Variants in VIRMA observed in about 807,000 individuals in gnomAD.
The protein encoded by VIRMA is protein virilizer homolog.
In VIRMA, 65 loss-of-function variants were observed where a neutral mutation model predicts 182.4. The observed-to-expected ratio is 0.36, with a 90% confidence interval of 0.29 to 0.44. The LOEUF (loss-of-function observed/expected upper bound fraction) is 0.44, where lower values mean the gene tolerates loss of function less well. Among genes scored for constraint, VIRMA ranks in the 20% least tolerant of loss-of-function variants. VIRMA has a pLI of 1.00. For synonymous variants in VIRMA, 709 were observed against 743.1 expected, an observed-to-expected ratio of 0.95 and a Z score of 0.75; for missense variants, 1,752 against 2,158.1, an observed-to-expected ratio of 0.81 and a Z score of 3.73.
chr8:94,517,140 G>T (rs780132438), intron 10 of VIRMA, among the ~76,000 whole-genome samples: 2 of 152,164 alleles, frequency 1.3e-5, no homozygotes, highest in Non-Finnish European at 2.9e-5. Context: ...GTTGTAGTTT[G>T]TGTTTTATGT....
At chr8:94,536,635 T>C (rs1431650711) in intron 4 of VIRMA, among the ~76,000 whole-genome samples, 1 of 152,200 alleles carries the variant, frequency 6.6e-6, no homozygotes, top group Admixed American at 6.5e-5. Context: ...CATTACAATG[T>C]CTTTACTGCA....
intron 8 of VIRMA, among the ~76,000 whole-genome samples, chr8:94,525,604 T>C (rs1186897466): frequency 1.3e-5 from 2 of 152,278 alleles, no homozygotes; most frequent in East Asian, 3.9e-4. Flanking sequence ...AAATAAGTAA[T>C]AAAATAATTC....
rs899721062 is a variant in VIRMA at position 94,510,868 on chromosome 8, G to A, written c.3391-216C>T. 3.5e-6 allele frequency: 3 copies of A among 866,840 alleles called. No homozygotes were observed. In the African/African-American group the frequency reaches 5.1e-5, roughly 15 times the overall value. The allele number at this position is 866,840 out of a possible 1,614,324, so 53.7% of individuals were successfully genotyped here. ...GCAGTTAGTTGAGCAGAGTCCATTGGTGAAGCAATCTAGTTATTGGCAAAT... is the reference window on the plus strand; with the variant it reads ...GCAGTTAGTTGAGCAGAGTCCATTGATGAAGCAATCTAGTTATTGGCAAAT... On this transcript the variant is annotated intron_variant, in intron 13 of 23. Coordinates refer to ENST00000297591, the MANE Select transcript of VIRMA (RefSeq NM_015496.5).
At chr8:94,516,875 A>T (rs948020910) in intron 10 of VIRMA, among the ~76,000 whole-genome samples, 2 of 152,198 alleles carry the variant, frequency 1.3e-5, no homozygotes, top group Admixed American at 6.5e-5. Context: ...GCCACATGCT[A>T]TTTTAAAGCA....
Position 94,533,614 on chromosome 8 carries a change from CTTTTTT to C in VIRMA, c.484+1219_484+1224del, listed in dbSNP as rs60590655. The C allele has an allele frequency of 1.0e-3, 125 of 119,500 alleles. 1 individual carries two copies. Among genetic ancestry groups the C allele is most frequent in the Admixed American group, 2.1e-3 (22 of 10,442 alleles). The allele number at this position is 119,500 out of a possible 1,614,324, so 7.4% of individuals were successfully genotyped here. On this transcript the variant is annotated intron_variant, in intron 5 of 23. Transcript: ENST00000297591. ...TGCCATCGTGCCCAGCTAATTCTTT[CTTTTTT>C]TTTTTTTTTTTTTGGGAGGGGCAGG... is the stretch of plus-strand genomic sequence containing the variant.
intron 16 of VIRMA, among the ~76,000 whole-genome samples, chr8:94,505,067 A>G (rs1321221859): frequency 6.6e-6 from 1 of 152,194 alleles, no homozygotes; most frequent in Non-Finnish European, 1.5e-5. Flanking sequence ...TTCAAAGGAC[A>G]TGGAGTAAAT....
intron 16 of VIRMA, among the ~76,000 whole-genome samples, chr8:94,500,864 A>G (rs2130279498): frequency 6.6e-6 from 1 of 152,248 alleles, no homozygotes; most frequent in Middle Eastern, 3.4e-3. Flanking sequence ...TTAGTCACCG[A>G]TAAGAACTAC....
chr8:94,514,472 C>G (rs910386042), intron 11 of VIRMA, among the ~76,000 whole-genome samples: 1 of 152,142 alleles, frequency 6.6e-6, no homozygotes. Context: ...GGAATGGGCC[C>G]TATCAATTTT....
chr8:94,534,830 A>ATTTT lies in VIRMA; in HGVS notation c.484+8_484+9insAAAA. ...GTTTCACTTGCAAAAGCAAATTTAA[A>ATTTT]ATTCTCACCATGTTTTGGATTCCTT... On this transcript the variant is annotated intron_variant, in intron 5 of 23. Coordinates refer to ENST00000297591, the MANE Select transcript of VIRMA (RefSeq NM_015496.5). The ATTTT allele has an allele frequency of 6.2e-7, 1 of 1,609,778 alleles. No homozygotes were observed. Among genetic ancestry groups the ATTTT allele is most frequent in the South Asian group, 1.1e-5 (1 of 89,710 alleles).
chr8:94,522,471 T>G lies in VIRMA; in HGVS notation c.2022-2995A>C, dbSNP rs141155636. ...TCTTGGGGAACCTGACATAGGACAATAGAGCCTTGCCACCACTTCAAAAAC... is the reference window on the plus strand; with the variant it reads ...TCTTGGGGAACCTGACATAGGACAAGAGAGCCTTGCCACCACTTCAAAAAC... On this transcript the variant is annotated intron_variant, in intron 8 of 23. Transcript: ENST00000297591. Among the ~76,000 whole-genome samples the G allele has an allele frequency of 3.3e-3, 508 of 152,286 alleles. 1 individual carries two copies. The highest frequency in any genetic ancestry group is 0.012 in the African/African-American group (491 of 41,568).
At chr8:94,538,759 G>A (rs374014767) in intron 2 of VIRMA, among the ~76,000 whole-genome samples, 8 of 152,086 alleles carry the variant, frequency 5.3e-5, no homozygotes, top group Non-Finnish European at 7.4e-5. Flanking sequence ...TTACAGGCAC[G>A]CACCACCATG....
chr8:94,509,618 G>C, intron 15 of VIRMA, 70 bp downstream of exon 15: 1 of 1,440,398 alleles, frequency 6.9e-7, no homozygotes, highest in Non-Finnish European at 9.3e-7. Context: ...ACATCAAGAT[G>C]CTTAAATACA....
At chr8:94,550,708 T>G (rs1279502440) in intron 1 of VIRMA, among the ~76,000 whole-genome samples, 1 of 149,044 alleles carries the variant, frequency 6.7e-6, no homozygotes, top group Non-Finnish European at 1.5e-5. Flanking sequence ...TCCATAATTT[T>G]TATTTATTTA....
At chr8:94,499,532 G>T (rs749005309) in intron 16 of VIRMA, 26 bp from the exon 17 acceptor site, 4 of 1,366,178 alleles carry the variant, frequency 2.9e-6, no homozygotes, top group African/African-American at 1.5e-5. Context: ...ATAAAGAGAA[G>T]ATATTATCTT....
At chr8:94,510,702 T>C (rs1364446520) in intron 13 of VIRMA, 50 bp from the exon 14 acceptor site, 1 of 1,336,980 alleles carries the variant, frequency 7.5e-7, no homozygotes, top group East Asian at 2.4e-5. Context: ...AATATTTATT[T>C]ATAGTCACAA....
intron 1 of VIRMA, among the ~76,000 whole-genome samples, chr8:94,552,742 A>G (rs1422070336): frequency 6.6e-6 from 1 of 152,120 alleles, no homozygotes; most frequent in African/African-American, 2.4e-5. Context: ...TCCACCTCCA[A>G]CCTCAAAGGA....
chr8:94,522,860 T>C (rs182803415), intron 8 of VIRMA, among the ~76,000 whole-genome samples: 1 of 152,332 alleles, frequency 6.6e-6, no homozygotes, highest in African/African-American at 2.4e-5. Context: ...ACTCTGATCA[T>C]ATCAGATCTG....
intron 8 of VIRMA, among the ~76,000 whole-genome samples, chr8:94,524,082 C>A (rs1814869544): frequency 6.6e-6 from 1 of 151,500 alleles, no homozygotes; most frequent in Admixed American, 6.6e-5. Flanking sequence ...TCACTGCAAC[C>A]TCTGCCTCCC....
At position 94,488,113 on chromosome 8, in the gene VIRMA, C is replaced by T. The variant is rs1813503073; in HGVS notation, c.*593G>A. 1 of 152,182 alleles carries T rather than the reference C, an allele frequency of 6.6e-6. No individual in the cohort carries two copies. The highest frequency in any genetic ancestry group is 2.1e-4 in the South Asian group (1 of 4,826). 9.4% of individuals were successfully genotyped at this position (152,182 alleles called of 1,614,324 possible). A position where few individuals can be genotyped will look rare whatever the true frequency, so the allele number is the denominator to read the frequency against. On this transcript the variant is annotated 3_prime_UTR_variant, in exon 24 of 24. Transcript: ENST00000297591. ...TAAACTACTACTTTGAGGTAGTTTA[C>T]ATTTTCAACATTAAATAGCATTATA...
Sources: gnomAD v4.1 joint callset for allele counts (sites outside exome capture counted in the v4.1 genomes callset) on GRCh38, gnomAD v4.1.1 for gene constraint, MANE v1.5 for transcripts, NCBI Gene and HGNC (gene_info 2026-07-23, HGNC 2026-07-21) for gene names.